The following MMP20 variants were observed in gnomAD, a reference collection of about 807,000 sequenced individuals.
MMP20 encodes matrix metallopeptidase 20, also known as matrix metalloproteinase-20.
A neutral mutation model predicts 51.8 loss-of-function variants in MMP20; 50 were observed. The observed-to-expected ratio is 0.97, with a 90% CI of 0.77 to 1.22. The LOEUF (loss-of-function observed/expected upper bound fraction) is 1.22, where lower values mean the gene tolerates loss of function less well. MMP20 is among the 50% of genes most tolerant of loss of function. The pLI is 0.00. For missense variants in MMP20, 663 were observed against 601.4 expected (o/e 1.10, Z -1.07); for synonymous variants, 244 against 216.2 (o/e 1.13, Z -1.13).
In MMP20 at chr11:102,623,677, T is replaced by C. The variant is rs148636447; in HGVS notation, c.126+1517A>G. On this transcript the variant is annotated intron_variant, in intron 1 of 9. Transcript: ENST00000260228. The stretch of plus-strand genomic sequence containing the variant: ...TTTGCTTCTAGGCTAACCTCTGCCA[T>C]TGTGGCACAAAAGCAATCATAGACA... Among the ~76,000 whole-genome samples the C allele has an allele frequency of 5.6e-3, 856 of 152,348 alleles. 6 individuals carry two copies. Among genetic ancestry groups the C allele is most frequent in the African/African-American group, 0.02 (814 of 41,584 alleles).
intron 8 of MMP20, among the ~76,000 whole-genome samples, chr11:102,587,774 A>T (rs1859271246): frequency 6.6e-6 from 1 of 152,072 alleles, no homozygotes; most frequent in Non-Finnish European, 1.5e-5. Context: ...AAGCTTTCTT[A>T]TGGTTGCTAT....
In MMP20 at chr11:102,616,973, C is replaced by T. The variant is rs1859680391; in HGVS notation, c.213G>A (p.Lys71=). ...VARGSNSMIR[K]IKELQAFFGL... is the part of the protein sequence containing the mutation. The stretch of plus-strand genomic sequence containing the variant: ...CAAAGAACGCTTGTAGCTCCTTAAT[C>T]TTCCTTATCATGGAATTGCTTCCTC... Residue 71 remains lysine (K), a synonymous_variant, in exon 2 of 10, where the codon AAG becomes AAA. Coordinates refer to ENST00000260228, the MANE Select transcript of MMP20 (RefSeq NM_004771.4). 6.2e-7 allele frequency: 1 copy of T among 1,614,104 alleles called. No individual in the cohort carries two copies. The highest frequency in any genetic ancestry group is 8.5e-7 in the Non-Finnish European group (1 of 1,180,046).
chr11:102,613,157 A>G (rs1439269142), intron 2 of MMP20, among the ~76,000 whole-genome samples: 1 of 152,228 alleles, frequency 6.6e-6, no homozygotes, highest in East Asian at 1.9e-4. Flanking sequence ...AGGCAGAAAA[A>G]TGTAGTGCTT....
chr11:102,587,299 T>C (rs1000056766), intron 8 of MMP20, among the ~76,000 whole-genome samples: 1 of 152,248 alleles, frequency 6.6e-6, no homozygotes, highest in African/African-American at 2.4e-5. Context: ...TTTATTCTAT[T>C]GTGATCAGAA....
At chr11:102,591,441 TAAG>T (rs1293013662) in intron 8 of MMP20, among the ~76,000 whole-genome samples, 2 of 152,226 alleles carry the variant, frequency 1.3e-5, no homozygotes, top group African/African-American at 2.4e-5. Context: ...CACAACTTGT[TAAG>T]AAATTATTTG....
chr11:102,578,311 C>A (rs76069958), intron 9 of MMP20, among the ~76,000 whole-genome samples: 1 of 86,602 alleles, frequency 1.2e-5, no homozygotes, highest in South Asian at 2.7e-4. Context: ...TCTCAGCTAA[C>A]TTTTTTGTAG....
chr11:102,602,027 A>G (rs1238347028), intron 6 of MMP20, among the ~76,000 whole-genome samples: 29 of 143,500 alleles, frequency 2.0e-4, no homozygotes, highest in African/African-American at 6.8e-4. Flanking sequence ...TCGGCTCACT[A>G]CAAGCTCCGC....
chr11:102,583,061 G>A (rs541681196), intron 8 of MMP20, among the ~76,000 whole-genome samples: 18 of 152,232 alleles, frequency 1.2e-4, no homozygotes, highest in African/African-American at 4.3e-4. Flanking sequence ...TTTCTTCTCA[G>A]TTCTCACCAG....
At chr11:102,584,464 T>C (rs1239518727) in intron 8 of MMP20, among the ~76,000 whole-genome samples, 1 of 152,202 alleles carries the variant, frequency 6.6e-6, no homozygotes, top group Non-Finnish European at 1.5e-5. Flanking sequence ...TTGCCCATAT[T>C]TTAACTGAGT....
rs950929051 is a variant in MMP20, at chr11:102,591,009, A to T, written c.1247+2430T>A. Among the ~76,000 whole-genome samples, 7 of 152,232 alleles carry T rather than the reference A, an allele frequency of 4.6e-5. No homozygotes were observed. The East Asian group carries it at 1.3e-3, about 29-fold the overall frequency. ...GACTTTTTACACATATGAGAAAAAC[A>T]AACCCTCATGTGTTTAAGCCACAAT... On this transcript the variant is annotated intron_variant, in intron 8 of 9. Coordinates refer to ENST00000260228, the MANE Select transcript of MMP20 (RefSeq NM_004771.4).
At chr11:102,594,888 C>A (rs1273406858) in intron 6 of MMP20, 131 bp from the exon 7 acceptor site, 3 of 1,210,246 alleles carry the variant, frequency 2.5e-6, no homozygotes, top group East Asian at 5.2e-5. Context: ...CCTTGCCTTG[C>A]CTTGTTTTTT....
chr11:102,593,515 C>G lies in MMP20; in HGVS notation c.1171G>C (p.Val391Leu). The G allele has an allele frequency of 6.2e-7, 1 of 1,614,060 alleles. No homozygotes were observed. The highest frequency in any genetic ancestry group is 8.5e-7 in the Non-Finnish European group (1 of 1,179,944). The change falls in exon 8 of 10, where the codon GTG becomes CTG. Residue 391 changes from valine to leucine, a missense_variant. By Grantham distance (32) the Val-to-Leu change is conservative (BLOSUM62 1). Transcript: ENST00000260228. ...TIYDFGFPRH[V>L]QQIDAAVYLR... Reference sequence around the variant, plus strand: ...TAGACAGCAGCATCTATTTGCTGCACGTGCCTTGGAAATCCAAAGTCATAA... The same window carrying G: ...TAGACAGCAGCATCTATTTGCTGCAGGTGCCTTGGAAATCCAAAGTCATAA...
intron 8 of MMP20, among the ~76,000 whole-genome samples, chr11:102,593,179 T>G (rs1484787317): frequency 6.6e-6 from 1 of 152,216 alleles, no homozygotes; most frequent in Non-Finnish European, 1.5e-5. Context: ...GGTGTCCGGT[T>G]AATGAGTGCA....
chr11:102,618,751 A>G (rs1269233458), intron 1 of MMP20, among the ~76,000 whole-genome samples: 1 of 152,252 alleles, frequency 6.6e-6, no homozygotes. Flanking sequence ...ATGTCTGGGT[A>G]ATGAAATTAC....
chr11:102,582,903 G>A (rs1251165843), intron 8 of MMP20, among the ~76,000 whole-genome samples: 1 of 152,104 alleles, frequency 6.6e-6, no homozygotes, highest in Non-Finnish European at 1.5e-5. Context: ...AACATCACAT[G>A]CTGTCCTTGG....
At chr11:102,606,705 G>A in intron 5 of MMP20, 29 bp from the exon 6 acceptor site, 1 of 1,613,548 alleles carries the variant, frequency 6.2e-7, no homozygotes, top group Non-Finnish European at 8.5e-7. Context: ...TGGTCAAAAT[G>A]GTAACGGGAA....
chr11:102,607,857 C>T (rs1385667570), intron 5 of MMP20: 2 of 152,148 alleles, frequency 1.3e-5, no homozygotes, highest in Non-Finnish European at 2.9e-5. Context: ...CATTGGAACA[C>T]TGCCACCAAG....
At position 102,593,609 on chromosome 11, in the gene MMP20, T is replaced by C. The variant is rs1389402329; in HGVS notation, c.1091-14A>G. ...AGTAGTGGGGACCTGAAAACAGAAA[T>C]TAAAGTTTACGAAAACTCTGCACCA... is the stretch of plus-strand genomic sequence containing the variant. On this transcript the variant is annotated splice_polypyrimidine_tract_variant and intron_variant, in intron 7 of 9. Transcript: ENST00000260228. 6.2e-7 allele frequency: 1 copy of C among 1,613,914 alleles called. No homozygotes were observed. Among genetic ancestry groups the C allele is most frequent in the Admixed American group, 1.7e-5 (1 of 60,012 alleles).
chr11:102,603,998 TCA>T lies in MMP20; in HGVS notation c.953+2535_953+2536del, dbSNP rs957802780. ...GTAGTCATTAGTAATTGCTAAATGC[TCA>T]CAGTTTGATAAACAGAGGTGTTTTT... On this transcript the variant is annotated intron_variant, in intron 6 of 9. Coordinates refer to ENST00000260228, the MANE Select transcript of MMP20 (RefSeq NM_004771.4). Among the ~76,000 whole-genome samples, 5 of 149,780 alleles carry T rather than the reference TCA, an allele frequency of 3.3e-5. No individual in the cohort carries two copies. In the Admixed American group the frequency reaches 3.4e-4, roughly 10 times the overall value.
Sources: gnomAD v4.1 joint callset for allele counts (sites outside exome capture counted in the v4.1 genomes callset) on GRCh38, gnomAD v4.1.1 for gene constraint, MANE v1.5 for transcripts, NCBI Gene and HGNC (gene_info 2026-07-23, HGNC 2026-07-21) for gene names.